PCDH9: variants seen among roughly 807,000 people sequenced by gnomAD.
PCDH9 encodes the protein protocadherin 9.
In PCDH9, 24 loss-of-function variants were observed where a neutral mutation model predicts 70.6. The ratio of observed to expected loss-of-function variants is 0.34; its 90% confidence interval spans 0.25 to 0.48. The LOEUF is 0.48. Ranked by LOEUF, PCDH9 falls within the 20% of genes least tolerant of loss-of-function variation. The pLI is 0.99. For synonymous variants in PCDH9, 562 were observed against 558.5 expected, an observed-to-expected ratio of 1.01 and a Z score of -0.09; for missense variants, 1,281 against 1,503.6, an observed-to-expected ratio of 0.85 and a Z score of 2.45.
At chr13:66,786,407 T>C (rs4883789) in intron 3 of PCDH9, among the ~76,000 whole-genome samples, 52,674 of 151,962 alleles carry the variant, frequency 0.35, 9,659 homozygotes, top group East Asian at 0.57. Context: ...AAAGCTTGCT[T>C]TTATGGACTC....
intron 4 of PCDH9, among the ~76,000 whole-genome samples, chr13:66,510,824 G>A (rs1023929384): frequency 1.3e-5 from 2 of 152,148 alleles, no homozygotes; most frequent in African/African-American, 4.8e-5. Context: ...AAACATACGT[G>A]TGCTAAACAT....
At chr13:67,002,057 A>T (rs2084256295) in intron 2 of PCDH9, 1 of 152,180 alleles carries the variant, frequency 6.6e-6, no homozygotes, top group African/African-American at 2.4e-5. Flanking sequence ...GTTATATAAG[A>T]AGTAAGCTAG....
At chr13:66,366,471 T>C (rs965835827) in intron 4 of PCDH9, among the ~76,000 whole-genome samples, 1 of 152,072 alleles carries the variant, frequency 6.6e-6, no homozygotes. Context: ...CCTTTAAAAA[T>C]GTCCACCTAA....
At chr13:66,742,817 T>C (rs1267030809) in intron 3 of PCDH9, among the ~76,000 whole-genome samples, 1 of 148,672 alleles carries the variant, frequency 6.7e-6, no homozygotes, top group Non-Finnish European at 1.5e-5. Context: ...CCAGTTAGAA[T>C]GGCAATCATT....
intron 3 of PCDH9, among the ~76,000 whole-genome samples, chr13:66,655,282 A>T (rs2077913060): frequency 6.6e-6 from 1 of 152,136 alleles, no homozygotes; most frequent in Admixed American, 6.5e-5. Flanking sequence ...GGGTAAAATA[A>T]AATAAGGCCC....
intron 2 of PCDH9, among the ~76,000 whole-genome samples, chr13:66,942,085 C>T (rs2083015055): frequency 6.6e-6 from 1 of 151,676 alleles, no homozygotes; most frequent in South Asian, 2.1e-4. Flanking sequence ...AAGAAATATA[C>T]AAAATAGATA....
intron 2 of PCDH9, among the ~76,000 whole-genome samples, chr13:66,995,825 T>C (rs531900814): frequency 1.9e-4 from 29 of 152,256 alleles, no homozygotes; most frequent in Admixed American, 1.6e-3. Context: ...CTAAAAATCC[T>C]CTGATATACT....
chr13:66,707,795 G>A (rs1041801799), intron 3 of PCDH9, among the ~76,000 whole-genome samples: 4 of 152,126 alleles, frequency 2.6e-5, no homozygotes, highest in Admixed American at 1.3e-4. Context: ...ATATCACAAT[G>A]TATTGAATTA....
intron 2 of PCDH9, among the ~76,000 whole-genome samples, chr13:67,008,429 T>A (rs2084393766): frequency 6.6e-6 from 1 of 152,182 alleles, no homozygotes. Flanking sequence ...ATATATTGTT[T>A]TGTTTTATTG....
chr13:66,331,904 TG>T (rs1250396211), intron 4 of PCDH9, among the ~76,000 whole-genome samples: 1 of 152,156 alleles, frequency 6.6e-6, no homozygotes, highest in African/African-American at 2.4e-5. Context: ...TAAATGAAAA[TG>T]GAGAGAGGGT....
chr13:66,982,498 G>T (rs997346370), intron 2 of PCDH9, among the ~76,000 whole-genome samples: 1 of 152,070 alleles, frequency 6.6e-6, no homozygotes, highest in Non-Finnish European at 1.5e-5. Context: ...CCAATATTTG[G>T]TTATAAAGGT....
intron 4 of PCDH9, among the ~76,000 whole-genome samples, chr13:66,361,328 T>A (rs1956467488): frequency 6.6e-6 from 1 of 152,286 alleles, no homozygotes; most frequent in South Asian, 2.1e-4. Flanking sequence ...CTCTAATTAT[T>A]TGTATATGTA....
chr13:66,645,774 G>A (rs1213601441), intron 3 of PCDH9, among the ~76,000 whole-genome samples: 1 of 152,066 alleles, frequency 6.6e-6, no homozygotes, highest in Non-Finnish European at 1.5e-5. Flanking sequence ...ATCAAGACTG[G>A]TACAGTCTCT....
chr13:66,552,797 T>C (rs1462429799), intron 4 of PCDH9, among the ~76,000 whole-genome samples: 1 of 152,158 alleles, frequency 6.6e-6, no homozygotes, highest in Non-Finnish European at 1.5e-5. Context: ...ATTCTCATGC[T>C]GCTAATAAAG....
chr13:66,594,784 G>T (rs1360163155), intron 4 of PCDH9, among the ~76,000 whole-genome samples: 1 of 151,602 alleles, frequency 6.6e-6, no homozygotes, highest in Admixed American at 6.6e-5. Flanking sequence ...AGTTTGCAGA[G>T]GATAATGGCT....
rs118066758 is a variant in PCDH9 at position 66,467,345 on chromosome 13, G to A, written c.3341-162317C>T. ...CTGTCATAAAGACAAGACTGCTCCC[G>A]GTTTCCTGTGGATTCTTGGAGAAAG... On this transcript the variant is annotated intron_variant, in intron 4 of 4. Coordinates refer to ENST00000377865, the MANE Select transcript of PCDH9 (RefSeq NM_203487.3). 7.8e-4 allele frequency among the ~76,000 whole-genome samples: 118 copies of A among 152,102 alleles called. 3 individuals are homozygous for A. In the East Asian group the frequency reaches 0.022, roughly 29 times the overall value.
intron 2 of PCDH9, among the ~76,000 whole-genome samples, chr13:67,140,128 C>T (rs905343872): frequency 7.5e-5 from 11 of 145,708 alleles, no homozygotes; most frequent in Admixed American, 2.2e-4. Context: ...GCATCAGCGG[C>T]TACTTATTTA....
rs2089855349 is a variant in PCDH9 at position 67,225,950 on chromosome 13, A to T, written c.2491T>A (p.Phe831Ile). 1.2e-6 allele frequency: 2 copies of T among 1,614,030 alleles called. No individual in the cohort carries two copies. The highest frequency in any genetic ancestry group is 1.3e-5 in the African/African-American group (1 of 74,912). The change falls in exon 2 of 5, where the codon TTC becomes ATC. Residue 831 changes from phenylalanine to isoleucine, a missense_variant. Coordinates refer to ENST00000377865, the MANE Select transcript of PCDH9 (RefSeq NM_203487.3). Reference sequence around the variant, plus strand: ...CGACAGCGCACCAGAACGGTGACGAAGATCACAACAATGACCACCATGGCA... The same window carrying T: ...CGACAGCGCACCAGAACGGTGACGATGATCACAACAATGACCACCATGGCA... ...AGAMVVIVVIFVTVLVRCRHA... is the reference protein window; with the variant it reads ...AGAMVVIVVIIVTVLVRCRHA...
At chr13:66,896,997 A>G (rs1249776471) in intron 3 of PCDH9, among the ~76,000 whole-genome samples, 1 of 152,160 alleles carries the variant, frequency 6.6e-6, no homozygotes, top group African/African-American at 2.4e-5. Flanking sequence ...TTTATGTGCT[A>G]TGTTAAATTG....
Sources: allele counts gnomAD v4.1 joint callset (sites outside exome capture counted in the v4.1 genomes callset), GRCh38; gene constraint gnomAD v4.1.1; transcripts MANE v1.5; gene names NCBI Gene and HGNC (gene_info 2026-07-23, HGNC 2026-07-21).